The following SLC37A1 variants were observed in gnomAD, a reference collection of about 807,000 sequenced individuals.
SLC37A1 encodes solute carrier family 37 member 1, also known as glucose-6-phosphate exchanger SLC37A1.
Under a neutral mutation model 75.3 loss-of-function variants are expected in SLC37A1, and 49 were observed. The ratio of observed to expected loss-of-function variants is 0.65; its 90% CI spans 0.52 to 0.83. The LOEUF (loss-of-function observed/expected upper bound fraction) is 0.83, where lower values mean the gene tolerates loss of function less well. SLC37A1 is among the 40% of genes least tolerant of loss of function. SLC37A1 has a pLI of 0.00. For synonymous variants in SLC37A1, 268 were observed against 292.1 expected, an observed-to-expected ratio of 0.92 and a Z score of 0.84; for missense variants, 566 against 695.0, an observed-to-expected ratio of 0.81 and a Z score of 2.09.
chr21:42,575,615 G>A (rs1273802395), intron 18 of SLC37A1: 1 of 985,252 alleles, frequency 1.0e-6, no homozygotes, highest in African/African-American at 1.7e-5. Flanking sequence ...ATCTTTACAA[G>A]TCACCTGGCC....
chr21:42,576,656 C>G (rs34441377), intron 18 of SLC37A1, among the ~76,000 whole-genome samples: 1 of 151,574 alleles, frequency 6.6e-6, no homozygotes, highest in African/African-American at 2.4e-5. Context: ...AGGAACTGAC[C>G]TCATGAAAAA....
chr21:42,535,418 G>A (rs1360664329), intron 4 of SLC37A1, 54 bp from the exon 5 acceptor site: 9 of 1,471,960 alleles, frequency 6.1e-6, no homozygotes. Flanking sequence ...CCGTGCTCTA[G>A]AACATAAACT....
chr21:42,549,264 C>T (rs905568916), intron 9 of SLC37A1, among the ~76,000 whole-genome samples: 2 of 152,264 alleles, frequency 1.3e-5, no homozygotes, highest in Non-Finnish European at 1.5e-5. Context: ...AGGAAGCAGG[C>T]GTGCAGGGGG....
upstream of SLC37A1, among the ~76,000 whole-genome samples, chr21:42,510,217 G>C (rs944749692): frequency 1.3e-5 from 2 of 152,258 alleles, no homozygotes; most frequent in South Asian, 2.1e-4. Flanking sequence ...TAGTAGAGAT[G>C]GGGTTTCACC....
chr21:42,534,720 C>T lies in SLC37A1; in HGVS notation c.161C>T (p.Thr54Ile), dbSNP rs925974273. 4 of 1,613,822 alleles carry T rather than the reference C, an allele frequency of 2.5e-6. No individual in the cohort carries two copies. The African/African-American group carries it at 5.3e-5, about 22-fold the overall frequency. ...CAGGGTGAGCTCCACAAGTACTGCACTGCTTGGGATGAAGCTGACGTCAGG... is the reference window on the plus strand; with the variant it reads ...CAGGGTGAGCTCCACAAGTACTGCATTGCTTGGGATGAAGCTGACGTCAGG... ...IVKGELHKYCTAWDEADVRFS... is the reference protein window; with the variant it reads ...IVKGELHKYCIAWDEADVRFS... The change falls in exon 4 of 20, where the codon ACT (threonine) becomes ATT (isoleucine). Residue 54 changes from threonine to isoleucine, a missense_variant. Transcript: ENST00000352133.
chr21:42,563,228 G>A (rs915105729), intron 12 of SLC37A1, among the ~76,000 whole-genome samples: 7 of 152,180 alleles, frequency 4.6e-5, no homozygotes, highest in Non-Finnish European at 8.8e-5. Flanking sequence ...AAGGGGTGAC[G>A]TTCTCAGGAC....
intron 2 of SLC37A1, among the ~76,000 whole-genome samples, chr21:42,522,299 A>C (rs2054670272): frequency 6.6e-6 from 1 of 152,236 alleles, no homozygotes; most frequent in African/African-American, 2.4e-5. Flanking sequence ...TATCATCCAA[A>C]ACATCTGCTT....
intron 2 of SLC37A1, among the ~76,000 whole-genome samples, chr21:42,504,710 A>G (rs2054368406): frequency 2.6e-5 from 4 of 152,186 alleles, no homozygotes; most frequent in Admixed American, 1.3e-4. Flanking sequence ...GTTTCAAGTT[A>G]TTATTGCTTA....
Position 42,514,831 on chromosome 21 carries a change from A to C in SLC37A1, c.-179+114A>C, listed in dbSNP as rs934273740. On this transcript the variant is annotated intron_variant, in intron 1 of 19. Coordinates refer to ENST00000352133, the MANE Select transcript of SLC37A1 (RefSeq NM_001320537.2). The surrounding 1 kb of genome is among the most constrained non-coding windows in gnomAD (Gnocchi z 4.8). ...GGCCCCAGGTTTGAATTTCCAAAGG[A>C]GGAATTGCTAAAGCCTGCCCTTTCC... 4.3e-4 allele frequency: 66 copies of C among 152,336 alleles called. No individual in the cohort carries two copies. Among genetic ancestry groups the C allele is most frequent in the African/African-American group, 1.5e-3 (63 of 41,444 alleles). 9.4% of individuals were successfully genotyped at this position (152,336 alleles called of 1,614,324 possible). A position where few individuals can be genotyped will look rare whatever the true frequency, so the allele number is the denominator to read the frequency against.
chr21:42,518,184 T>C, intron 1 of SLC37A1, 93 bp from the exon 2 acceptor site: 1 of 477,998 alleles, frequency 2.1e-6, no homozygotes, highest in South Asian at 2.0e-5. Context: ...GACTGGGTAC[T>C]GCTACTGTAC....
chr21:42,573,813 G>T (rs2056245234), intron 17 of SLC37A1, among the ~76,000 whole-genome samples: 1 of 152,026 alleles, frequency 6.6e-6, no homozygotes, highest in Admixed American at 6.5e-5. Flanking sequence ...ATGTGTATCA[G>T]AATTCATTTC....
intron 2 of SLC37A1, among the ~76,000 whole-genome samples, chr21:42,507,596 G>A (rs1425370220): frequency 6.6e-6 from 1 of 152,250 alleles, no homozygotes; most frequent in Non-Finnish European, 1.5e-5. Flanking sequence ...AAGAAAAGAG[G>A]TTTATTTAGT....
At chr21:42,564,197 A>G (rs228103) in intron 13 of SLC37A1, among the ~76,000 whole-genome samples, 108,167 of 139,628 alleles carry the variant, frequency 0.77, 43,143 homozygotes, top group Non-Finnish European at 0.83. Context: ...AGACCAACCC[A>G]GGCAACATAA....
chr21:42,524,313 G>A (rs917186390), intron 2 of SLC37A1, among the ~76,000 whole-genome samples: 3 of 152,142 alleles, frequency 2.0e-5, no homozygotes, highest in East Asian at 1.9e-4. Context: ...TTTTCTATGC[G>A]GTGGTTGAGA....
Position 42,514,672 on chromosome 21 carries a change from C to T in SLC37A1, c.-224C>T, listed in dbSNP as rs2054487542. 6.6e-6 allele frequency: 1 copy of T among 152,392 alleles called. No homozygotes were observed. Among genetic ancestry groups the T allele is most frequent in the African/African-American group, 2.4e-5 (1 of 41,462 alleles). The allele number at this position is 152,392 out of a possible 1,614,324, so 9.4% of individuals were successfully genotyped here. ...AAGTCCCCTCGCCGCTGGCCACCAG[C>T]CTTCCAGCCCTTACGGCCCACGCCG... On this transcript the variant is annotated 5_prime_UTR_variant, in exon 1 of 20. Transcript: ENST00000352133. The surrounding 1 kb of genome is among the most constrained non-coding windows in gnomAD (Gnocchi z 4.8).
At chr21:42,520,827 G>C (rs978595787) in intron 2 of SLC37A1, among the ~76,000 whole-genome samples, 1 of 152,212 alleles carries the variant, frequency 6.6e-6, no homozygotes, top group Non-Finnish European at 1.5e-5. Flanking sequence ...GCAAGGAATA[G>C]ATGAGCCCAG....
chr21:42,536,205 T>A (rs1444635036), intron 5 of SLC37A1, among the ~76,000 whole-genome samples: 1 of 152,222 alleles, frequency 6.6e-6, no homozygotes. Context: ...TACCACCTGC[T>A]AGGATGTGGC....
At chr21:42,530,595 TACACAC>T (rs71190427) in intron 3 of SLC37A1, among the ~76,000 whole-genome samples, 2,119 of 103,078 alleles carry the variant, frequency 0.021, 36 homozygotes, top group East Asian at 0.039. Flanking sequence ...ATGCAGATGA[TACACAC>T]ACACACACAC....
At chr21:42,530,656 C>CACACA (rs1568997149) in intron 3 of SLC37A1, among the ~76,000 whole-genome samples, 447 of 23,452 alleles carry the variant, frequency 0.019, 20 homozygotes, top group African/African-American at 0.035. Flanking sequence ...ACACACACAC[C>CACACA]CCCTCTGTGT....
Sources: allele counts gnomAD v4.1 joint callset (sites outside exome capture counted in the v4.1 genomes callset), GRCh38; gene constraint gnomAD v4.1.1; non-coding constraint Gnocchi (gnomAD v3.1); transcripts MANE v1.5; gene names NCBI Gene and HGNC (gene_info 2026-07-23, HGNC 2026-07-21).